ADAMTSL2: variants seen among roughly 807,000 people sequenced by gnomAD.
ADAMTSL2 encodes ADAMTS-like protein 2.
Under a neutral mutation model 117.0 loss-of-function variants are expected in ADAMTSL2, and 55 were observed. That is an observed-to-expected ratio of 0.47 (90% CI 0.38 to 0.59). ADAMTSL2 has a LOEUF of 0.59. Among genes scored for constraint, ADAMTSL2 ranks in the 20% least tolerant of loss-of-function variants. The pLI, the probability that ADAMTSL2 is intolerant of heterozygous loss-of-function variation, is 0.00. For missense variants in ADAMTSL2, 1,182 were observed against 1,354.5 expected (o/e 0.87, Z 2.00); for synonymous variants, 572 against 566.4 (o/e 1.01, Z -0.14).
At chr9:133,567,210 C>A in intron 13 of ADAMTSL2, 148 bp downstream of exon 13, 2 of 1,032,926 alleles carry the variant, frequency 1.9e-6, no homozygotes, top group Non-Finnish European at 2.8e-6. Context: ...ATACAGACCT[C>A]ACCCCTCAGA....
chr9:133,573,541 G>A (rs1294794347), intron 17 of ADAMTSL2, among the ~76,000 whole-genome samples: 1 of 152,144 alleles, frequency 6.6e-6, no homozygotes, highest in Non-Finnish European at 1.5e-5. Flanking sequence ...GGACCCCCTG[G>A]GAAATGAGAG....
chr9:133,534,795 G>C lies in ADAMTSL2; in HGVS notation c.-273G>C. 6 of 1,485,006 alleles carry C rather than the reference G, an allele frequency of 4.0e-6. No homozygotes were observed. Among genetic ancestry groups the C allele is most frequent in the Non-Finnish European group, 3.6e-6 (4 of 1,112,558 alleles). 92.0% of individuals were successfully genotyped at this position (1,485,006 alleles called of 1,614,324 possible). ...CGCGGGGGAGGAGGGGAAGGGGAGA[G>C]GGAGGCCGGGCCGCAGCCTCTGCAC... On this transcript the variant is annotated 5_prime_UTR_variant, in exon 1 of 19. Transcript: ENST00000651351.
At chr9:133,548,705 G>C (rs538421025) in intron 9 of ADAMTSL2, among the ~76,000 whole-genome samples, 1 of 152,268 alleles carries the variant, frequency 6.6e-6, no homozygotes, top group South Asian at 2.1e-4. Context: ...CCTTGTGGGG[G>C]GCATGACCTG....
chr9:133,544,943 G>A (rs536011626), intron 8 of ADAMTSL2, among the ~76,000 whole-genome samples: 2 of 152,268 alleles, frequency 1.3e-5, no homozygotes, highest in East Asian at 1.9e-4. Context: ...AGAGGAAGTC[G>A]GTGCAGAGGT....
At chr9:133,534,586 G>C (rs1830002696), upstream of ADAMTSL2, 3 of 1,154,492 alleles carry the variant, frequency 2.6e-6, no homozygotes, top group Non-Finnish European at 3.3e-6. Flanking sequence ...GGCGCAGAGC[G>C]GGTTAAAGTG....
chr9:133,546,044 A>C (rs1409338659), intron 8 of ADAMTSL2, among the ~76,000 whole-genome samples: 1 of 151,936 alleles, frequency 6.6e-6, no homozygotes. Flanking sequence ...CTCTTCTCCC[A>C]CTGGCCAGTT....
At chr9:133,572,468 G>GCAGGGAGGCTGACTGGGGTTCCAGGGCCC (rs1831130625) in intron 17 of ADAMTSL2, among the ~76,000 whole-genome samples, 1 of 152,186 alleles carries the variant, frequency 6.6e-6, no homozygotes, top group African/African-American at 2.4e-5. Context: ...GTGGGAAGGG[G>GCAGGGAGGCTGACTGGGGTTCCAGGGCCC]CAGGGAGGCT....
In ADAMTSL2 at chr9:133,538,485, AG is replaced by A. The variant is rs940836342; in HGVS notation, c.309+66del. On this transcript the variant is annotated intron_variant, in intron 4 of 18. Transcript: ENST00000651351. ...CTCTCCCTGTCATCATGCAGTTTTC[AG>A]GGGGTCTTCCAGGTGGCTCCTGGGC... 30 of 1,589,906 alleles carry A rather than the reference AG, an allele frequency of 1.9e-5. No homozygotes were observed. The East Asian group carries it at 6.7e-4, about 36-fold the overall frequency.
Position 133,574,985 on chromosome 9 carries a change from T to A in ADAMTSL2, c.*121T>A. 1.3e-6 allele frequency: 1 copy of A among 770,194 alleles called. No individual in the cohort carries two copies. Among genetic ancestry groups the A allele is most frequent in the Non-Finnish European group, 2.2e-6 (1 of 446,456 alleles). The allele number at this position is 770,194 out of a possible 1,614,324, so 47.7% of individuals were successfully genotyped here. ...CACGCTGGCCTAAGAGACGTGGCAC[T>A]GAGCCTCGGCTGTCGAGAGGGGACT... On this transcript the variant is annotated 3_prime_UTR_variant, in exon 19 of 19. Transcript: ENST00000651351.
In ADAMTSL2 at chr9:133,573,984, C is replaced by T; in HGVS notation, c.2734C>T (p.Pro912Ser). The T allele has an allele frequency of 6.2e-7, 1 of 1,612,762 alleles. No individual in the cohort carries two copies. The highest frequency in any genetic ancestry group is 1.3e-5 in the African/African-American group (1 of 75,038). Residue 912 changes from proline to serine, a missense_variant, in exon 18 of 19, where the codon CCA (proline) becomes TCA (serine). Around this residue, in one of 3 missense-constraint regions of ADAMTSL2, gnomAD observed 465 missense variants for 565.3 expected, o/e 0.82. Coordinates refer to ENST00000651351, the MANE Select transcript of ADAMTSL2 (RefSeq NM_014694.4). ...TCTGCAGCCCTGCCCCACGGAGCCC[C>T]CAGGTGAGGCGCGGGGAGGCCGAGG... is the stretch of plus-strand genomic sequence containing the variant. ...CDLQPCPTEP[P>S]DDSCQDQPGT... is the part of the protein sequence containing the mutation.
upstream of ADAMTSL2, chr9:133,534,637 G>A (rs1830004362): frequency 3.8e-6 from 5 of 1,305,136 alleles, no homozygotes; most frequent in Non-Finnish European, 4.9e-6. Flanking sequence ...GCGGCCTGGT[G>A]GGAAGTGTGA....
chr9:133,535,779 T>G (rs1206599525), intron 1 of ADAMTSL2, among the ~76,000 whole-genome samples: 1 of 152,040 alleles, frequency 6.6e-6, no homozygotes. Context: ...CCTCAGCACC[T>G]GAGCAAGGCC....
intron 9 of ADAMTSL2, among the ~76,000 whole-genome samples, chr9:133,549,734 G>A (rs572213121): frequency 4.6e-5 from 7 of 152,074 alleles, no homozygotes; most frequent in Non-Finnish European, 1.0e-4. Context: ...ACGGCCACTC[G>A]TTTCCATGCT....
At chr9:133,562,825 C>A (rs1375711220) in intron 12 of ADAMTSL2, among the ~76,000 whole-genome samples, 50 of 107,386 alleles carry the variant, frequency 4.7e-4, no homozygotes, top group African/African-American at 9.3e-4. Context: ...CCGCTGTGGG[C>A]GGCGTGGTGG....
At chr9:133,545,126 G>A (rs1426215951) in intron 8 of ADAMTSL2, among the ~76,000 whole-genome samples, 1 of 151,316 alleles carries the variant, frequency 6.6e-6, no homozygotes, top group Non-Finnish European at 1.5e-5. Context: ...AGTGTAGGGA[G>A]CCTTGGTGGC....
In ADAMTSL2 at chr9:133,574,941, A is replaced by T; in HGVS notation, c.*77A>T. On this transcript the variant is annotated 3_prime_UTR_variant, in exon 19 of 19. Coordinates refer to ENST00000651351, the MANE Select transcript of ADAMTSL2 (RefSeq NM_014694.4). ...CTGCTGCAGCTTCTGGGGCCTCCAC[A>T]GACCCCCCTCCTGCGGGGCACGCTG... The T allele has an allele frequency of 1.7e-6, 2 of 1,161,440 alleles. No individual in the cohort carries two copies. Among genetic ancestry groups the T allele is most frequent in the Non-Finnish European group, 1.3e-6 (1 of 773,438 alleles). 71.9% of individuals were successfully genotyped at this position (1,161,440 alleles called of 1,614,324 possible).
intron 9 of ADAMTSL2, among the ~76,000 whole-genome samples, chr9:133,552,117 C>T (rs1429149174): frequency 3.9e-5 from 6 of 152,078 alleles, no homozygotes; most frequent in East Asian, 3.9e-4. Flanking sequence ...CGTGAGCCAC[C>T]GCACCTGGCC....
At chr9:133,534,564 C>A, upstream of ADAMTSL2, 1 of 1,035,534 alleles carries the variant, frequency 9.7e-7, no homozygotes, top group Non-Finnish European at 1.2e-6. Context: ...GCCGGCCTGG[C>A]CGGGCTCCAG....
In ADAMTSL2 at chr9:133,534,851, G is replaced by A; in HGVS notation, c.-217G>A. 1.3e-6 allele frequency: 2 copies of A among 1,496,646 alleles called. No individual in the cohort carries two copies. Among genetic ancestry groups the A allele is most frequent in the Non-Finnish European group, 1.8e-6 (2 of 1,118,690 alleles). 92.7% of individuals were successfully genotyped at this position (1,496,646 alleles called of 1,614,324 possible). ...CCGCCCCCGCACGCACAGCGCACCT[G>A]GCGCCGTCTGCCCTCCGCAGCGCTC... is the stretch of plus-strand genomic sequence containing the variant. On this transcript the variant is annotated 5_prime_UTR_variant, in exon 1 of 19. Coordinates refer to ENST00000651351, the MANE Select transcript of ADAMTSL2 (RefSeq NM_014694.4).
Sources: allele counts gnomAD v4.1 joint callset (sites outside exome capture counted in the v4.1 genomes callset), GRCh38; gene constraint gnomAD v4.1.1; regional missense constraint gnomAD v4.1.1; transcripts MANE v1.5; gene names NCBI Gene and HGNC (gene_info 2026-07-23, HGNC 2026-07-21).